The following RAB4A variants were observed in gnomAD, a reference collection of about 807,000 sequenced individuals.
The protein encoded by RAB4A is RAB4A, member RAS oncogene family.
A neutral mutation model predicts 34.5 loss-of-function variants in RAB4A; 20 were observed. The observed-to-expected ratio is 0.58, with a 90% CI of 0.41 to 0.84. The LOEUF is 0.84. RAB4A is among the 40% of genes least tolerant of loss of function. The pLI, the probability that RAB4A is intolerant of heterozygous loss-of-function variation, is 0.00. For missense variants in RAB4A, 228 were observed against 274.5 expected (o/e 0.83, Z 1.20); for synonymous variants, 102 against 100.0 (o/e 1.02, Z -0.12).
At chr1:229,302,295 ATATATATATATATATTTTT>A (rs1233974152) in intron 6 of RAB4A, among the ~76,000 whole-genome samples, 17 of 25,196 alleles carry the variant, frequency 6.7e-4, no homozygotes, top group African/African-American at 1.8e-3. Flanking sequence ...ATATATATAT[ATATATATATATATATTTTT>A]TTTTTTTTTT....
chr1:229,297,810 T>G (rs1657287745), intron 5 of RAB4A, among the ~76,000 whole-genome samples, 174 bp downstream of exon 5: 1 of 152,250 alleles, frequency 6.6e-6, no homozygotes, highest in African/African-American at 2.4e-5. Context: ...TTTTAGTATA[T>G]TGCATTCTGC....
At chr1:229,284,497 A>AT (rs1431315676) in intron 1 of RAB4A, among the ~76,000 whole-genome samples, 3 of 152,000 alleles carry the variant, frequency 2.0e-5, no homozygotes, top group Non-Finnish European at 4.4e-5. Context: ...TTTAAGGGTA[A>AT]TTTTTTTGCA....
intron 1 of RAB4A, among the ~76,000 whole-genome samples, chr1:229,284,882 A>T (rs1176316229): frequency 6.6e-6 from 1 of 151,878 alleles, no homozygotes; most frequent in East Asian, 1.9e-4. Context: ...TCAATCCTCC[A>T]TGTCTCTTGA....
At chr1:229,291,719 G>A (rs554323752) in intron 3 of RAB4A, among the ~76,000 whole-genome samples, 6 of 152,194 alleles carry the variant, frequency 3.9e-5, no homozygotes, top group South Asian at 4.1e-4. Context: ...AACTCACCTC[G>A]CTTGTGGAGA....
chr1:229,274,310 G>A (rs1242022932), intron 1 of RAB4A, among the ~76,000 whole-genome samples: 6 of 150,594 alleles, frequency 4.0e-5, no homozygotes, highest in Non-Finnish European at 8.8e-5. Flanking sequence ...AGTGATCCTC[G>A]TGCCTCCACC....
intron 2 of RAB4A, among the ~76,000 whole-genome samples, chr1:229,288,120 G>T (rs988926682): frequency 4.6e-5 from 7 of 152,182 alleles, no homozygotes; most frequent in African/African-American, 1.7e-4. Context: ...TTTGTTTTGG[G>T]GTTTATTGGA....
At chr1:229,295,752 G>T in intron 3 of RAB4A, 96 bp from the exon 4 acceptor site, 1 of 1,113,296 alleles carries the variant, frequency 9.0e-7, no homozygotes. Context: ...CCTGTGTTGT[G>T]GTTTACAAAG....
intron 1 of RAB4A, among the ~76,000 whole-genome samples, chr1:229,275,992 C>G (rs1429049133): frequency 6.6e-6 from 1 of 151,290 alleles, no homozygotes; most frequent in Non-Finnish European, 1.5e-5. Flanking sequence ...AGGGAAATCA[C>G]CCCAATTGCC....
chr1:229,295,332 A>G (rs1657214064), intron 3 of RAB4A, among the ~76,000 whole-genome samples: 1 of 152,158 alleles, frequency 6.6e-6, no homozygotes, highest in Non-Finnish European at 1.5e-5. Context: ...GTGAGAGTGG[A>G]TATGACATAC....
At chr1:229,299,093 C>T (rs1205359996) in intron 6 of RAB4A, 21 bp downstream of exon 6, 1 of 1,536,628 alleles carries the variant, frequency 6.5e-7, no homozygotes, top group Non-Finnish European at 8.9e-7. Flanking sequence ...TTCCATTAAG[C>T]AACTTTTCTT....
intron 2 of RAB4A, among the ~76,000 whole-genome samples, 187 bp downstream of exon 2, chr1:229,286,753 T>C (rs1656933683): frequency 6.6e-6 from 1 of 152,240 alleles, no homozygotes; most frequent in Non-Finnish European, 1.5e-5. Flanking sequence ...TATTTAACAA[T>C]GGTTCAGTAT....
At chr1:229,303,174 G>A (rs888756669) in intron 7 of RAB4A, among the ~76,000 whole-genome samples, 185 bp downstream of exon 7, 6 of 152,044 alleles carry the variant, frequency 3.9e-5, no homozygotes, top group Non-Finnish European at 7.4e-5. Context: ...GACCAGCCTA[G>A]GCATCATGGT....
At chr1:229,286,636 C>A in intron 2 of RAB4A, 70 bp downstream of exon 2, 2 of 969,274 alleles carry the variant, frequency 2.1e-6, no homozygotes, top group Non-Finnish European at 3.0e-6. Flanking sequence ...GATTTGTTTA[C>A]AGTAAACTTA....
intron 6 of RAB4A, among the ~76,000 whole-genome samples, chr1:229,302,148 GA>G (rs1217482741): frequency 6.7e-6 from 1 of 149,438 alleles, no homozygotes; most frequent in African/African-American, 2.5e-5. Flanking sequence ...CCTATATTTG[GA>G]TAAGGACCGC....
rs2069372 is a variant in RAB4A at position 229,304,443 on chromosome 1, C to T, written c.*650C>T. 59,581 of 151,832 alleles carry T rather than the reference C, an allele frequency of 0.39. 12,003 individuals are homozygous for T. Among genetic ancestry groups the T allele is most frequent in the Admixed American group, 0.45 (6,863 of 15,244 alleles). The allele number at this position is 151,832 out of a possible 1,614,324, so 9.4% of individuals were successfully genotyped here. ...TGTCCAGCTCTGTTGATTTTAAAGCCTCTTCATCCAGGTCAGTTCAGGAAG... is the reference window on the plus strand; with the variant it reads ...TGTCCAGCTCTGTTGATTTTAAAGCTTCTTCATCCAGGTCAGTTCAGGAAG... On this transcript the variant is annotated 3_prime_UTR_variant, in exon 8 of 8. Transcript: ENST00000366690.
Position 229,295,875 on chromosome 1 carries a change from C to T in RAB4A, c.255C>T (p.Gly85=), listed in dbSNP as rs754560101. ...CCGTGACGAGAAGTTATTACCGAGG[C>T]GCGGCCGGGGCTCTCCTCGTCTATG... ...FRSVTRSYYR[G]AAGALLVYDI... is the part of the protein sequence containing the mutation. Residue 85 remains glycine (G), a synonymous_variant, in exon 4 of 8, where the codon GGC becomes GGT. Transcript: ENST00000366690. The T allele has an allele frequency of 5.0e-6, 8 of 1,613,920 alleles. No homozygotes were observed. The highest frequency in any genetic ancestry group is 3.3e-5 in the South Asian group (3 of 91,052).
chr1:229,301,912 G>A (rs73110251), intron 6 of RAB4A, among the ~76,000 whole-genome samples: 1,725 of 151,972 alleles, frequency 0.011, 44 homozygotes, highest in African/African-American at 0.04. Context: ...TAATGTGTGT[G>A]TGTAATGTGT....
intron 1 of RAB4A, among the ~76,000 whole-genome samples, chr1:229,276,536 C>CA (rs1656654636): frequency 6.6e-6 from 1 of 151,302 alleles, no homozygotes; most frequent in South Asian, 2.1e-4. Context: ...GGGTGGCCTA[C>CA]AGGCATCTGA....
chr1:229,297,689 T>C lies in RAB4A; in HGVS notation c.445+53T>C, dbSNP rs191957140. 263 of 1,455,898 alleles carry C rather than the reference T, an allele frequency of 1.8e-4. 1 individual carries two copies. The African/African-American group carries it at 3.5e-3, about 19-fold the overall frequency. 90.2% of individuals were successfully genotyped at this position (1,455,898 alleles called of 1,614,324 possible). A position where few individuals can be genotyped will look rare whatever the true frequency, so the allele number is the denominator to read the frequency against. On this transcript the variant is annotated intron_variant, in intron 5 of 7. Transcript: ENST00000366690. ...TTTCAAATCGCATATTTGAGGATAA[T>C]AGCATTTCTTTGAATTTAAAACATA...
Sources: gnomAD v4.1 joint callset for allele counts (sites outside exome capture counted in the v4.1 genomes callset) on GRCh38, gnomAD v4.1.1 for gene constraint, MANE v1.5 for transcripts, NCBI Gene and HGNC (gene_info 2026-07-23, HGNC 2026-07-21) for gene names.